The following CTNNA2 variants were observed in gnomAD, a reference collection of about 807,000 sequenced individuals.
CTNNA2 encodes the protein catenin alpha 2.
In CTNNA2, 42 loss-of-function variants were observed where a neutral mutation model predicts 101.0. The observed-to-expected ratio is 0.42, with a 90% CI of 0.32 to 0.54. CTNNA2 has a LOEUF of 0.54. Ranked by LOEUF, CTNNA2 falls within the 20% of genes least tolerant of loss-of-function variation. The pLI, the probability that CTNNA2 is intolerant of heterozygous loss-of-function variation, is 0.14. For synonymous variants in CTNNA2, 450 were observed against 456.4 expected (o/e 0.99, Z 0.18); for missense variants, 871 against 1,223.1 (o/e 0.71, Z 4.29).
At position 80,173,689 on chromosome 2, in the gene CTNNA2, G is replaced by A. The variant is rs146576492; in HGVS notation, c.1057-219522G>A. On this transcript the variant is annotated intron_variant, in intron 7 of 18. Coordinates refer to ENST00000402739, the MANE Select transcript of CTNNA2 (RefSeq NM_001282597.3). ...TAGGCTGCACAATGCTGGTGAGGGG[G>A]ATCAGAGGGAAGCAAGGTGCCAGGA... 1.5e-3 allele frequency among the ~76,000 whole-genome samples: 223 copies of A among 152,244 alleles called. 1 individual carries two copies. The highest frequency in any genetic ancestry group is 5.0e-3 in the African/African-American group (207 of 41,556).
Position 80,302,287 on chromosome 2 carries a change from G to A in CTNNA2, c.1057-90924G>A. 1 of 1,614,016 alleles carries A rather than the reference G, an allele frequency of 6.2e-7. No homozygotes were observed. Among genetic ancestry groups the A allele is most frequent in the Non-Finnish European group, 8.5e-7 (1 of 1,179,950 alleles). ...ATTCCCTCGCGGGCTGCTGGTGGCA[G>A]GTACACGAGCCATACTCGTTGATGA... On this transcript the variant is annotated intron_variant, in intron 7 of 18. Coordinates refer to ENST00000402739, the MANE Select transcript of CTNNA2 (RefSeq NM_001282597.3). The surrounding 1 kb of genome is among the most constrained non-coding windows in gnomAD (Gnocchi z 6.4).
At chr2:80,270,132 G>A (rs553634088) in intron 7 of CTNNA2, among the ~76,000 whole-genome samples, 1 of 152,314 alleles carries the variant, frequency 6.6e-6, no homozygotes, top group South Asian at 2.1e-4. Flanking sequence ...GAAAGATGTT[G>A]TCCCTTAGCC....
In CTNNA2 at chr2:80,619,202, G is replaced by A. The variant is rs764279725; in HGVS notation, c.2548G>A (p.Gly850Arg). Residue 850 changes from glycine (G) to arginine (R), a missense_variant, in exon 18 of 19, where the codon GGG becomes AGG. This residue lies in a region of CTNNA2 where 65 missense variants were observed against 53.3 expected (regional missense o/e 1.22). Coordinates refer to ENST00000402739, the MANE Select transcript of CTNNA2 (RefSeq NM_001282597.3). ...LPTCAEGAPI[G>R]SGSSDSSMLD... is the part of the protein sequence containing the mutation. The stretch of plus-strand genomic sequence containing the variant: ...AACCTGTGCTGAGGGAGCTCCGATC[G>A]GGAGTGGAAGCAGTGATTCCTCCAT... 8.8e-6 allele frequency: 14 copies of A among 1,582,134 alleles called. No homozygotes were observed. The highest frequency in any genetic ancestry group is 2.7e-5 in the African/African-American group (2 of 73,948).
intron 7 of CTNNA2, chr2:80,289,327 C>T (rs945337425): frequency 5.9e-5 from 9 of 152,192 alleles, no homozygotes; most frequent in Admixed American, 2.0e-4. Context: ...CATTGACTAA[C>T]AGAGAGGGTG....
intron 7 of CTNNA2, among the ~76,000 whole-genome samples, chr2:80,155,400 G>A (rs75945045): frequency 0.01 from 1,560 of 152,258 alleles, 5 homozygotes; most frequent in Non-Finnish European, 0.016. Flanking sequence ...ATTAAGGCTG[G>A]GAAATACGGG....
chr2:79,490,094 T>A (rs900763708), intron 4 of CTNNA2, among the ~76,000 whole-genome samples: 1 of 152,216 alleles, frequency 6.6e-6, no homozygotes, highest in Non-Finnish European at 1.5e-5. Context: ...AATCTTACCT[T>A]CAGTATTTCC....
intron 3 of CTNNA2, among the ~76,000 whole-genome samples, chr2:79,845,293 G>C (rs1156942292): frequency 1.3e-5 from 2 of 151,186 alleles, no homozygotes; most frequent in Admixed American, 1.3e-4. Flanking sequence ...AAGTAAGTAG[G>C]GCAGAAATTG....
chr2:79,215,184 T>C (rs1055409127), intron 2 of CTNNA2, among the ~76,000 whole-genome samples: 4 of 152,014 alleles, frequency 2.6e-5, no homozygotes, highest in Non-Finnish European at 4.4e-5. Context: ...CAGTCCGATT[T>C]TCAGTGGGGT....
intron 7 of CTNNA2, among the ~76,000 whole-genome samples, chr2:79,951,362 C>T (rs966636501): frequency 1.3e-5 from 2 of 152,172 alleles, no homozygotes; most frequent in African/African-American, 4.8e-5. Flanking sequence ...AAATTTACCC[C>T]TGCATTTAAA....
intron 5 of CTNNA2, among the ~76,000 whole-genome samples, chr2:79,871,540 G>C (rs1287971185): frequency 6.6e-6 from 1 of 152,136 alleles, no homozygotes; most frequent in Non-Finnish European, 1.5e-5. Flanking sequence ...GGAAGGGAGA[G>C]AGAGAATGAA....
intron 7 of CTNNA2, among the ~76,000 whole-genome samples, chr2:80,382,144 G>A (rs1573902338): frequency 6.6e-6 from 1 of 152,124 alleles, no homozygotes; most frequent in Admixed American, 6.5e-5. Context: ...TCTGCACCTA[G>A]CCTTGTCTCC....
At chr2:80,215,049 C>T (rs1193529973) in intron 7 of CTNNA2, among the ~76,000 whole-genome samples, 6 of 152,146 alleles carry the variant, frequency 3.9e-5, no homozygotes, top group African/African-American at 9.7e-5. Flanking sequence ...TTGATCAAAT[C>T]GGCTACTCAA....
chr2:79,520,773 G>A (rs1377063164), intron 1 of CTNNA2, among the ~76,000 whole-genome samples: 4 of 152,074 alleles, frequency 2.6e-5, no homozygotes, highest in African/African-American at 9.7e-5. Flanking sequence ...AAACCACAGT[G>A]TGATACCACT....
intron 8 of CTNNA2, among the ~76,000 whole-genome samples, chr2:80,400,172 A>G (rs914284808): frequency 3.3e-5 from 5 of 152,170 alleles, no homozygotes; most frequent in African/African-American, 9.7e-5. Flanking sequence ...GTAGCCAAAT[A>G]TATCTGTTCC....
At chr2:79,376,757 T>C (rs868402051) in intron 4 of CTNNA2, among the ~76,000 whole-genome samples, 1 of 152,148 alleles carries the variant, frequency 6.6e-6, no homozygotes. Context: ...GTCCTTGCGA[T>C]AGTTTGCTGA....
At chr2:79,850,177 A>C (rs78614547) in intron 3 of CTNNA2, among the ~76,000 whole-genome samples, 32,804 of 133,842 alleles carry the variant, frequency 0.25, 4,418 homozygotes, top group East Asian at 0.62. Flanking sequence ...CCCTTCCTCC[A>C]TCCTTCCCTC....
chr2:79,298,183 G>A (rs1037924107), intron 2 of CTNNA2, among the ~76,000 whole-genome samples: 2 of 152,170 alleles, frequency 1.3e-5, no homozygotes, highest in African/African-American at 2.4e-5. Flanking sequence ...ATCTCAGGAA[G>A]CTTTTATTCA....
In CTNNA2 at chr2:79,757,295, A is replaced by G. The variant is rs537812459; in HGVS notation, c.298+12713A>G. The stretch of plus-strand genomic sequence containing the variant: ...ACCATAATCACAAACCTTTCTGTTG[A>G]TATGCTTAGCAAAAATGGCAAGAAC... On this transcript the variant is annotated intron_variant, in intron 3 of 18. Transcript: ENST00000402739. Among the ~76,000 whole-genome samples the G allele has an allele frequency of 3.9e-5, 6 of 152,358 alleles. No individual in the cohort carries two copies. The South Asian group carries it at 1.2e-3, about 32-fold the overall frequency.
chr2:80,453,489 A>G (rs1166382689), intron 9 of CTNNA2, among the ~76,000 whole-genome samples: 4 of 152,180 alleles, frequency 2.6e-5, no homozygotes, highest in Non-Finnish European at 4.4e-5. Context: ...TGGCTTTAGC[A>G]ACAGCTTCAT....
Sources: gnomAD v4.1 joint callset for allele counts (sites outside exome capture counted in the v4.1 genomes callset) on GRCh38, gnomAD v4.1.1 for gene constraint, gnomAD v4.1.1 regional missense constraint, Gnocchi (gnomAD v3.1) non-coding constraint, MANE v1.5 for transcripts, NCBI Gene and HGNC (gene_info 2026-07-23, HGNC 2026-07-21) for gene names.